The following LRRTM4 variants were observed in gnomAD, a reference collection of about 807,000 sequenced individuals.
The protein encoded by LRRTM4 is leucine rich repeat transmembrane neuronal 4.
A neutral mutation model predicts 47.6 loss-of-function variants in LRRTM4; 25 were observed. The ratio of observed to expected loss-of-function variants is 0.53; its 90% confidence interval spans 0.38 to 0.73. The LOEUF is 0.73. Among genes scored for constraint, LRRTM4 ranks in the 30% least tolerant of loss-of-function variants. The pLI is 0.00. For synonymous variants in LRRTM4, 311 were observed against 269.5 expected (o/e 1.15, Z -1.51); for missense variants, 638 against 713.4 (o/e 0.89, Z 1.20).
At chr2:76,984,133 TA>T (rs1005175189) in intron 3 of LRRTM4, among the ~76,000 whole-genome samples, 4 of 151,814 alleles carry the variant, frequency 2.6e-5, no homozygotes, top group South Asian at 2.1e-4. Context: ...AATTGCATTT[TA>T]AAAAAATAGA....
chr2:77,461,889 C>T (rs1273673675), intron 3 of LRRTM4, among the ~76,000 whole-genome samples: 1 of 152,026 alleles, frequency 6.6e-6, no homozygotes, highest in Non-Finnish European at 1.5e-5. Context: ...GCTTTGTCTG[C>T]TTTCTTTTAG....
chr2:77,087,067 A>T (rs1464063038), intron 3 of LRRTM4, among the ~76,000 whole-genome samples: 1 of 152,216 alleles, frequency 6.6e-6, no homozygotes, highest in Non-Finnish European at 1.5e-5. Context: ...CAGAAAGTTC[A>T]TACCAAAACT....
chr2:77,312,286 A>G (rs1677479045), intron 3 of LRRTM4, among the ~76,000 whole-genome samples: 1 of 145,788 alleles, frequency 6.9e-6, no homozygotes, highest in Admixed American at 6.8e-5. Context: ...TTTTATTCAC[A>G]TTGCCTTTCA....
intron 3 of LRRTM4, among the ~76,000 whole-genome samples, chr2:76,872,174 A>T (rs1422314766): frequency 6.6e-6 from 1 of 152,208 alleles, no homozygotes; most frequent in Non-Finnish European, 1.5e-5. Flanking sequence ...ATAATGTTTA[A>T]AAGACGTAAA....
At chr2:77,434,465 A>G (rs1675512473) in intron 3 of LRRTM4, among the ~76,000 whole-genome samples, 1 of 151,972 alleles carries the variant, frequency 6.6e-6, no homozygotes, top group African/African-American at 2.4e-5. Context: ...AAAAAAACTA[A>G]TGGATTGAGT....
chr2:77,358,705 A>G (rs1042426484), intron 3 of LRRTM4, among the ~76,000 whole-genome samples: 4 of 152,222 alleles, frequency 2.6e-5, no homozygotes. Flanking sequence ...TATCATCCCA[A>G]CAACAGTGAA....
At chr2:76,819,732 A>C (rs1671001471) in intron 3 of LRRTM4, among the ~76,000 whole-genome samples, 1 of 151,950 alleles carries the variant, frequency 6.6e-6, no homozygotes, top group African/African-American at 2.4e-5. Context: ...TCTTTCATTG[A>C]GAAAATAGAT....
intron 3 of LRRTM4, among the ~76,000 whole-genome samples, chr2:77,153,829 T>C (rs1415492000): frequency 6.6e-6 from 1 of 152,202 alleles, no homozygotes; most frequent in Non-Finnish European, 1.5e-5. Flanking sequence ...ACTTATCCTC[T>C]TGATTTAAAG....
At chr2:76,952,982 C>A (rs572475092) in intron 3 of LRRTM4, among the ~76,000 whole-genome samples, 1 of 151,804 alleles carries the variant, frequency 6.6e-6, no homozygotes, top group Non-Finnish European at 1.5e-5. Context: ...GAACATTTAG[C>A]ATCCAAGGAC....
rs549664506 is a variant in LRRTM4, at chr2:77,255,444, T to A, written c.1551+262874A>T. On this transcript the variant is annotated intron_variant, in intron 3 of 3. Coordinates refer to ENST00000409884, the MANE Select transcript of LRRTM4 (RefSeq NM_001134745.3). ...GATCTACTTGATATTTATTGGTCAC[T>A]CTACCCATCAACAGGAGATTACATA... Among the ~76,000 whole-genome samples the A allele has an allele frequency of 4.3e-4, 65 of 152,158 alleles. 1 individual carries two copies. In the South Asian group the frequency reaches 0.013, roughly 31 times the overall value.
intron 3 of LRRTM4, among the ~76,000 whole-genome samples, chr2:76,906,289 C>CAA (rs1673836131): frequency 6.6e-6 from 1 of 151,974 alleles, no homozygotes; most frequent in Non-Finnish European, 1.5e-5. Flanking sequence ...TACAGACAAG[C>CAA]AAATGCTCAG....
At chr2:77,485,602 G>A (rs1456562457) in intron 3 of LRRTM4, among the ~76,000 whole-genome samples, 1 of 152,158 alleles carries the variant, frequency 6.6e-6, no homozygotes, top group Non-Finnish European at 1.5e-5. Context: ...GAAAATAAAA[G>A]GAACCAATGA....
chr2:77,182,552 T>TAA (rs112529374), intron 3 of LRRTM4, among the ~76,000 whole-genome samples: 8 of 151,798 alleles, frequency 5.3e-5, no homozygotes, highest in African/African-American at 1.9e-4. Context: ...AAAGTAAAAT[T>TAA]AAAAAAAACA....
chr2:76,837,586 G>T (rs1176286298), intron 3 of LRRTM4, among the ~76,000 whole-genome samples: 1 of 152,016 alleles, frequency 6.6e-6, no homozygotes, highest in Admixed American at 6.6e-5. Context: ...CCATTACTGG[G>T]TATATACCCA....
At chr2:77,125,993 A>G (rs960108765) in intron 3 of LRRTM4, among the ~76,000 whole-genome samples, 2 of 150,832 alleles carry the variant, frequency 1.3e-5, no homozygotes, top group Non-Finnish European at 3.0e-5. Flanking sequence ...CTGACCATAC[A>G]TATATATATA....
intron 3 of LRRTM4, among the ~76,000 whole-genome samples, chr2:76,920,107 G>A (rs994875765): frequency 2.0e-5 from 3 of 152,088 alleles, no homozygotes; most frequent in East Asian, 1.9e-4. Context: ...CTTTTAAAAC[G>A]TAATATGAGA....
At chr2:77,327,835 A>G (rs1332398416) in intron 3 of LRRTM4, among the ~76,000 whole-genome samples, 2 of 152,204 alleles carry the variant, frequency 1.3e-5, no homozygotes, top group Non-Finnish European at 2.9e-5. Flanking sequence ...ACAGAATGAA[A>G]GAAAATAAGA....
chr2:77,461,888 G>T (rs1446617756), intron 3 of LRRTM4, among the ~76,000 whole-genome samples: 3 of 152,036 alleles, frequency 2.0e-5, no homozygotes, highest in East Asian at 1.9e-4. Flanking sequence ...GGCTTTGTCT[G>T]CTTTCTTTTA....
At chr2:77,488,282 A>G (rs1162988801) in intron 3 of LRRTM4, among the ~76,000 whole-genome samples, 1 of 152,186 alleles carries the variant, frequency 6.6e-6, no homozygotes, top group Non-Finnish European at 1.5e-5. Context: ...ACAGCCTCAC[A>G]GGAACCCAGC....
Sources: allele counts gnomAD v4.1 joint callset (sites outside exome capture counted in the v4.1 genomes callset), GRCh38; gene constraint gnomAD v4.1.1; transcripts MANE v1.5; gene names NCBI Gene and HGNC (gene_info 2026-07-23, HGNC 2026-07-21).